The following EIF4E2 variants were observed in gnomAD, a reference collection of about 807,000 sequenced individuals.
The protein encoded by EIF4E2 is eukaryotic translation initiation factor 4E type 2.
In EIF4E2, 13 loss-of-function variants were observed where a neutral mutation model predicts 34.2. The ratio of observed to expected loss-of-function variants is 0.38; its 90% confidence interval spans 0.25 to 0.60. The LOEUF is 0.60. Among genes scored for constraint, EIF4E2 ranks in the 20% least tolerant of loss-of-function variants. The pLI, the probability that EIF4E2 is intolerant of heterozygous loss-of-function variation, is 0.62. For synonymous variants in EIF4E2, 100 were observed against 106.6 expected (o/e 0.94, Z 0.38); for missense variants, 222 against 315.1 (o/e 0.70, Z 2.24).
chr2:232,550,802 C>T, intron 1 of EIF4E2, 58 bp downstream of exon 1: 3 of 1,486,470 alleles, frequency 2.0e-6, no homozygotes, highest in South Asian at 2.5e-5. Context: ...CCCGCGCCCG[C>T]CCCCGCTGGG....
intron 6 of EIF4E2, among the ~76,000 whole-genome samples, chr2:232,575,396 A>G (rs1207306546): frequency 6.6e-6 from 1 of 152,168 alleles, no homozygotes; most frequent in East Asian, 1.9e-4. Flanking sequence ...TTTTGTTTTG[A>G]TAGTTTGATT....
intron 4 of EIF4E2, among the ~76,000 whole-genome samples, chr2:232,565,506 C>T (rs1013472480): frequency 5.3e-5 from 8 of 151,526 alleles, no homozygotes; most frequent in African/African-American, 1.9e-4. Flanking sequence ...TGGTGGCACG[C>T]GCCTGTAATC....
intron 1 of EIF4E2, chr2:232,551,084 T>G: frequency 1.6e-6 from 1 of 617,968 alleles, no homozygotes; most frequent in Non-Finnish European, 3.1e-6. Flanking sequence ...GTTTGGGTGT[T>G]TCCGCAGTCT....
chr2:232,568,878 T>A, intron 6 of EIF4E2, 67 bp from the exon 7 acceptor site: 1 of 1,605,812 alleles, frequency 6.2e-7, no homozygotes, highest in Non-Finnish European at 8.5e-7. Flanking sequence ...GAGACCCAGA[T>A]GCTACTTTCC....
exon 7 of EIF4E2, chr2:232,580,931 A>G: frequency 6.5e-7 from 1 of 1,550,232 alleles, no homozygotes; most frequent in Non-Finnish European, 8.7e-7. Context: ...GAAATACAAA[A>G]ATCACATTGT....
intron 6 of EIF4E2, among the ~76,000 whole-genome samples, chr2:232,577,544 C>T (rs1358591019): frequency 2.0e-5 from 3 of 152,112 alleles, no homozygotes; most frequent in Non-Finnish European, 4.4e-5. Flanking sequence ...GGAACTTGTC[C>T]ATTTCTCTAA....
Position 232,559,197 on chromosome 2 carries a change from A to G in EIF4E2, c.270+1179A>G, listed in dbSNP as rs1356672896. On this transcript the variant is annotated intron_variant, in intron 3 of 6. Coordinates refer to ENST00000258416, the MANE Select transcript of EIF4E2 (RefSeq NM_004846.4). ...TGTAACTAACCTGCACAATGTGCAC[A>G]TGTACCCTAAAACTTAAAGTATAAA... 3.4e-5 allele frequency among the ~76,000 whole-genome samples: 5 copies of G among 147,808 alleles called. No homozygotes were observed. In the East Asian group the frequency reaches 9.8e-4, roughly 29 times the overall value.
intron 3 of EIF4E2, among the ~76,000 whole-genome samples, chr2:232,559,639 T>A (rs1401149980): frequency 6.6e-6 from 1 of 151,998 alleles, no homozygotes; most frequent in Non-Finnish European, 1.5e-5. Context: ...GGGTTAAGTG[T>A]CTGATCTAAA....
At chr2:232,553,097 C>T (rs908465491) in intron 1 of EIF4E2, among the ~76,000 whole-genome samples, 25 of 152,264 alleles carry the variant, frequency 1.6e-4, no homozygotes, top group African/African-American at 5.1e-4. Flanking sequence ...CTCTAATCTC[C>T]GTTACTGTAT....
At chr2:232,561,798 C>G (rs935315741) in intron 3 of EIF4E2, among the ~76,000 whole-genome samples, 1 of 152,174 alleles carries the variant, frequency 6.6e-6, no homozygotes, top group Non-Finnish European at 1.5e-5. Context: ...AAACCTTTCT[C>G]AACTATAAAA....
intron 2 of EIF4E2, among the ~76,000 whole-genome samples, chr2:232,556,900 A>G (rs1195017652): frequency 6.6e-6 from 1 of 152,210 alleles, no homozygotes; most frequent in Non-Finnish European, 1.5e-5. Context: ...AGTGACTTGG[A>G]AAAGGGAAAA....
intron 6 of EIF4E2, among the ~76,000 whole-genome samples, chr2:232,575,864 AT>A (rs201009800): frequency 1.3e-5 from 2 of 152,010 alleles, no homozygotes; most frequent in African/African-American, 4.8e-5. Context: ...GGCTTTTAAT[AT>A]TTTTTTTCAA....
At chr2:232,550,990 G>A (rs1574653178) in intron 1 of EIF4E2, 4 of 613,142 alleles carry the variant, frequency 6.5e-6, no homozygotes, top group African/African-American at 1.8e-5. Flanking sequence ...GGGTGGCTGT[G>A]CCGCCCGGTA....
At position 232,558,154 on chromosome 2, in the gene EIF4E2, CA is replaced by C; in HGVS notation, c.270+137del. 3 of 1,151,086 alleles carry C rather than the reference CA, an allele frequency of 2.6e-6. No individual in the cohort carries two copies. The South Asian group carries it at 5.0e-5, about 19-fold the overall frequency. The allele number at this position is 1,151,086 out of a possible 1,614,324, so 71.3% of individuals were successfully genotyped here. A position where few individuals can be genotyped will look rare whatever the true frequency, so the allele number is the denominator to read the frequency against. On this transcript the variant is annotated intron_variant, in intron 3 of 6. Transcript: ENST00000258416. ...ATTGACTGACCTGAGTCTCCGGAGT[CA>C]GATTTGTTCATTCTTAGGTTTCTCA...
chr2:232,556,116 CA>C (rs1460518772), intron 1 of EIF4E2, among the ~76,000 whole-genome samples: 2 of 148,842 alleles, frequency 1.3e-5, no homozygotes, highest in Admixed American at 1.4e-4. Context: ...CCATTTTTGG[CA>C]GGGAAAACAA....
exon 7 of EIF4E2, chr2:232,582,297 G>C (rs1379149243): frequency 6.6e-6 from 1 of 152,624 alleles, no homozygotes; most frequent in African/African-American, 2.4e-5. Context: ...CCTGGTCTCA[G>C]AGAAATCATA....
Position 232,569,174 on chromosome 2 carries a change from C to T in EIF4E2, c.*157C>T. 6.9e-7 allele frequency: 1 copy of T among 1,450,882 alleles called. No individual in the cohort carries two copies. 89.9% of individuals were successfully genotyped at this position (1,450,882 alleles called of 1,614,324 possible). Reference sequence around the variant, plus strand: ...ACAGGCTGACACGCAGCAGCTACAACAACAGCTGAGATCACTTAATAAATG... The same window carrying T: ...ACAGGCTGACACGCAGCAGCTACAATAACAGCTGAGATCACTTAATAAATG... On this transcript the variant is annotated 3_prime_UTR_variant, in exon 7 of 7. Coordinates refer to ENST00000258416, the MANE Select transcript of EIF4E2 (RefSeq NM_004846.4).
intron 1 of EIF4E2, among the ~76,000 whole-genome samples, chr2:232,555,330 G>T (rs1222630738): frequency 6.6e-6 from 1 of 152,158 alleles, no homozygotes; most frequent in Non-Finnish European, 1.5e-5. Context: ...ATGAATTAAT[G>T]GTCCAGCCCT....
At chr2:232,557,667 C>A in intron 2 of EIF4E2, 1 of 558,358 alleles carries the variant, frequency 1.8e-6, no homozygotes, top group Admixed American at 3.2e-5. Context: ...GTTACAAAGG[C>A]CATAAGAACA....
Sources: gnomAD v4.1 joint callset for allele counts (sites outside exome capture counted in the v4.1 genomes callset) on GRCh38, gnomAD v4.1.1 for gene constraint, MANE v1.5 for transcripts, NCBI Gene and HGNC (gene_info 2026-07-23, HGNC 2026-07-21) for gene names.